Variants in RIMS2 observed in about 807,000 individuals in gnomAD.
RIMS2 encodes regulating synaptic membrane exocytosis protein 2.
Under a neutral mutation model 174.4 loss-of-function variants are expected in RIMS2, and 59 were observed. The ratio of observed to expected loss-of-function variants is 0.34; its 90% confidence interval spans 0.27 to 0.42. The LOEUF (loss-of-function observed/expected upper bound fraction) is 0.42. RIMS2 is among the 10% of genes least tolerant of loss of function. The pLI is 1.00. For missense variants in RIMS2, 1,620 were observed against 1,666.3 expected (o/e 0.97, Z 0.48); for synonymous variants, 606 against 572.5 (o/e 1.06, Z -0.84).
At chr8:104,198,487 T>G (rs1461971638) in intron 19 of RIMS2, among the ~76,000 whole-genome samples, 1 of 152,220 alleles carries the variant, frequency 6.6e-6, no homozygotes, top group African/African-American at 2.4e-5. Context: ...TGATTATTTC[T>G]AGGAGGCTGT....
intron 3 of RIMS2, among the ~76,000 whole-genome samples, chr8:103,794,805 A>G (rs1019924595): frequency 4.6e-5 from 7 of 152,244 alleles, no homozygotes; most frequent in African/African-American, 1.2e-4. Flanking sequence ...AAAAGAAGAC[A>G]TTTATGCAGC....
At chr8:103,510,248 G>T (rs747668453) in intron 1 of RIMS2, among the ~76,000 whole-genome samples, 7 of 152,194 alleles carry the variant, frequency 4.6e-5, no homozygotes, top group Non-Finnish European at 1.0e-4. Context: ...GTATTGTTCA[G>T]TTGACAGATG....
chr8:104,226,840 A>C lies in RIMS2; in HGVS notation c.3335-18076A>C, dbSNP rs114373702. On this transcript the variant is annotated intron_variant, in intron 19 of 23. Transcript: ENST00000504942. ...ACAATTAATAAGTGGTGGAGTTAAG[A>C]TATAAACCCAAAATCTGTCTTTGAA... is the stretch of plus-strand genomic sequence containing the variant. 4.5e-3 allele frequency among the ~76,000 whole-genome samples: 690 copies of C among 152,284 alleles called. 9 individuals carry two copies. The highest frequency in any genetic ancestry group is 0.016 in the African/African-American group (649 of 41,558).
chr8:103,661,061 C>T (rs1198316685), intron 1 of RIMS2, among the ~76,000 whole-genome samples: 2 of 152,160 alleles, frequency 1.3e-5, no homozygotes, highest in Non-Finnish European at 2.9e-5. Context: ...TGCCTAGCAC[C>T]ACTATTTTCT....
chr8:103,942,762 T>G lies in RIMS2; in HGVS notation c.2548-11T>G. The G allele has an allele frequency of 1.9e-6, 3 of 1,601,438 alleles. No homozygotes were observed. The highest frequency in any genetic ancestry group is 2.6e-6 in the Non-Finnish European group (3 of 1,169,856). On this transcript the variant is annotated splice_polypyrimidine_tract_variant and intron_variant, in intron 13 of 23. Coordinates refer to ENST00000504942, the Ensembl canonical transcript of RIMS2. ...TATATTATAACCGTCCTTTGTCTCT[T>G]GGGTTTGTAGATTTTAATTGAATTA...
At chr8:103,802,974 C>T (rs904688291) in intron 3 of RIMS2, among the ~76,000 whole-genome samples, 4 of 152,198 alleles carry the variant, frequency 2.6e-5, no homozygotes, top group Middle Eastern at 3.4e-3. Flanking sequence ...ATGAATTCAG[C>T]ATCATGGTGG....
intron 14 of RIMS2, among the ~76,000 whole-genome samples, chr8:103,945,108 T>C (rs1034849286): frequency 1.3e-5 from 2 of 152,086 alleles, no homozygotes; most frequent in Non-Finnish European, 2.9e-5. Context: ...ATTTCAAAGA[T>C]CGTGATCATA....
chr8:104,050,118 G>A lies in RIMS2; in HGVS notation c.3334+35503G>A, dbSNP rs550087398. On this transcript the variant is annotated intron_variant, in intron 19 of 23. Coordinates refer to ENST00000504942, the Ensembl canonical transcript of RIMS2. ...TCAAATCATTCCTGGTTATTATATGGTATATTAAACTGTAATACAATATAA... is the reference window on the plus strand; with the variant it reads ...TCAAATCATTCCTGGTTATTATATGATATATTAAACTGTAATACAATATAA... Among the ~76,000 whole-genome samples, 3 of 152,114 alleles carry A rather than the reference G, an allele frequency of 2.0e-5. No individual in the cohort carries two copies. In the South Asian group the frequency reaches 6.2e-4, roughly 32 times the overall value.
In RIMS2 at chr8:103,975,376, C is replaced by T; in HGVS notation, c.2797C>T (p.Gln933Ter). The T allele has an allele frequency of 6.2e-7, 1 of 1,612,602 alleles. No homozygotes were observed. ...TTATCGACATGATGGTCGAGATCTT[C>T]AAAGCTCAACATTATCAGTGCCAGA... is the stretch of plus-strand genomic sequence containing the variant. The change falls in exon 16 of 24, where the codon CAA (glutamine) becomes TAA (stop). Residue 933 changes from glutamine (Q) to a stop codon, truncating the protein, a stop_gained. Coordinates refer to ENST00000504942, the Ensembl canonical transcript of RIMS2. LOFTEE classifies it high-confidence loss of function.
chr8:103,608,569 G>A (rs1416450217), intron 1 of RIMS2, among the ~76,000 whole-genome samples: 1 of 145,674 alleles, frequency 6.9e-6, no homozygotes, highest in Non-Finnish European at 1.5e-5. Flanking sequence ...CCTGGGCAAT[G>A]GTGGGCGCCC....
At chr8:104,205,515 G>A (rs981490930) in intron 19 of RIMS2, among the ~76,000 whole-genome samples, 10 of 152,160 alleles carry the variant, frequency 6.6e-5, no homozygotes, top group South Asian at 2.1e-4. Flanking sequence ...GTGTGTGCGC[G>A]CACATACATG....
chr8:103,635,860 T>C (rs1421419815), intron 1 of RIMS2, among the ~76,000 whole-genome samples: 1 of 152,012 alleles, frequency 6.6e-6, no homozygotes, highest in Non-Finnish European at 1.5e-5. Flanking sequence ...CCCCTTCCTC[T>C]AGGAGCACTG....
intron 19 of RIMS2, among the ~76,000 whole-genome samples, chr8:104,153,665 G>A (rs1029365610): frequency 2.0e-5 from 3 of 151,984 alleles, no homozygotes; most frequent in Non-Finnish European, 4.4e-5. Flanking sequence ...CCATAGAACT[G>A]GATAAGATTA....
intron 4 of RIMS2, among the ~76,000 whole-genome samples, chr8:103,900,120 T>C (rs1165483113): frequency 6.6e-6 from 1 of 151,788 alleles, no homozygotes; most frequent in African/African-American, 2.4e-5. Flanking sequence ...TTAGTTACTG[T>C]ATCCTTGTAG....
intron 1 of RIMS2, among the ~76,000 whole-genome samples, chr8:103,687,845 T>C (rs1258445813): frequency 6.6e-6 from 1 of 151,864 alleles, no homozygotes; most frequent in African/African-American, 2.4e-5. Context: ...AGGACTTCTT[T>C]CTTTTTTATA....
At chr8:103,837,696 C>CT (rs1252223455) in intron 3 of RIMS2, among the ~76,000 whole-genome samples, 1 of 150,818 alleles carries the variant, frequency 6.6e-6, no homozygotes, top group Non-Finnish European at 1.5e-5. Flanking sequence ...TGAACTCATC[C>CT]TTTTTTATGG....
chr8:103,584,318 C>T (rs1330049765), intron 1 of RIMS2, among the ~76,000 whole-genome samples: 1 of 152,076 alleles, frequency 6.6e-6, no homozygotes, highest in Non-Finnish European at 1.5e-5. Context: ...AATACTAGAC[C>T]TGTCATCAAG....
intron 6 of RIMS2, among the ~76,000 whole-genome samples, chr8:103,912,405 G>A (rs550638498): frequency 6.6e-6 from 1 of 152,076 alleles, no homozygotes; most frequent in African/African-American, 2.4e-5. Context: ...GACATTAAAA[G>A]TAACCTAATT....
chr8:103,940,882 A>C (rs996816434), intron 13 of RIMS2, among the ~76,000 whole-genome samples: 1 of 151,904 alleles, frequency 6.6e-6, no homozygotes, highest in Non-Finnish European at 1.5e-5. Flanking sequence ...TCTCAAAAAA[A>C]AAAAAAAAAA....
Sources: allele counts gnomAD v4.1 joint callset (sites outside exome capture counted in the v4.1 genomes callset), GRCh38; gene constraint gnomAD v4.1.1; transcripts MANE v1.5; gene names NCBI Gene and HGNC (gene_info 2026-07-23, HGNC 2026-07-21).